Variants in MSI1 observed in about 807,000 individuals in gnomAD.
MSI1 encodes the protein RNA-binding protein Musashi homolog 1.
Under a neutral mutation model 54.4 loss-of-function variants are expected in MSI1, and 15 were observed. That is an observed-to-expected ratio of 0.28 (90% CI 0.18 to 0.42). The LOEUF is 0.42. MSI1 is among the 20% of genes least tolerant of loss of function. MSI1 has a pLI of 1.00. For synonymous variants in MSI1, 200 were observed against 196.5 expected, an observed-to-expected ratio of 1.02 and a Z score of -0.15; for missense variants, 304 against 506.0, an observed-to-expected ratio of 0.60 and a Z score of 3.83.
intron 9 of MSI1, among the ~76,000 whole-genome samples, chr12:120,354,159 A>AT (rs1485941154): frequency 6.6e-6 from 1 of 151,160 alleles, no homozygotes; most frequent in African/African-American, 2.4e-5. Flanking sequence ...CTAATTTTTA[A>AT]TTTTTTTGTA....
chr12:120,367,167 A>T (rs1876067598), intron 4 of MSI1, among the ~76,000 whole-genome samples: 1 of 151,998 alleles, frequency 6.6e-6, no homozygotes, highest in Non-Finnish European at 1.5e-5. Context: ...GGAGCCAGGG[A>T]CTGACCCAAG....
chr12:120,350,980 C>G (rs907383442), intron 11 of MSI1, among the ~76,000 whole-genome samples: 3 of 152,140 alleles, frequency 2.0e-5, no homozygotes, highest in African/African-American at 7.2e-5. Flanking sequence ...GGTATGCCCA[C>G]GCTGGTGTGC....
At chr12:120,362,731 G>A (rs1287038346) in intron 6 of MSI1, among the ~76,000 whole-genome samples, 1 of 152,230 alleles carries the variant, frequency 6.6e-6, no homozygotes, top group Non-Finnish European at 1.5e-5. Flanking sequence ...GGGCTGACTT[G>A]ATTGAACTGG....
intron 5 of MSI1, among the ~76,000 whole-genome samples, chr12:120,364,253 A>G (rs1592949128): frequency 6.6e-6 from 1 of 152,200 alleles, no homozygotes; most frequent in South Asian, 2.1e-4. Context: ...AACAGGTGAC[A>G]GAGTCTGTGG....
chr12:120,351,529 G>C, intron 10 of MSI1, 129 bp from the exon 11 acceptor site: 2 of 756,856 alleles, frequency 2.6e-6, no homozygotes, highest in Non-Finnish European at 4.3e-6. Context: ...CAAGAGCTGG[G>C]GAGGGGGAGA....
chr12:120,352,382 T>C (rs1874693982), intron 10 of MSI1, among the ~76,000 whole-genome samples: 1 of 152,016 alleles, frequency 6.6e-6, no homozygotes, highest in Non-Finnish European at 1.5e-5. Context: ...CTTGTGTGTG[T>C]GTGTGTGTGT....
At chr12:120,364,908 C>A (rs1377245415) in intron 4 of MSI1, among the ~76,000 whole-genome samples, 153 bp from the exon 5 acceptor site, 1 of 152,116 alleles carries the variant, frequency 6.6e-6, no homozygotes, top group African/African-American at 2.4e-5. Context: ...AGTGGTTAAG[C>A]ATTTATTTTT....
In MSI1 at chr12:120,368,498, G is replaced by A. The variant is rs1350201362; in HGVS notation, c.101-225C>T. Among the ~76,000 whole-genome samples, 4 of 152,040 alleles carry A rather than the reference G, an allele frequency of 2.6e-5. No individual in the cohort carries two copies. Among genetic ancestry groups the A allele is most frequent in the Non-Finnish European group, 5.9e-5 (4 of 67,958 alleles). Reference sequence around the variant, plus strand: ...GAGGGCCGAGCTGGGCTGGAAGGGGGACGGCTCCGGCCGGGTTCCCGCCGC... The same window carrying A: ...GAGGGCCGAGCTGGGCTGGAAGGGGAACGGCTCCGGCCGGGTTCCCGCCGC... On this transcript the variant is annotated intron_variant, in intron 2 of 14. Transcript: ENST00000257552. This position sits in a 1 kb window ranked among gnomAD's most constrained non-coding sequence, Gnocchi z 6.6.
intron 9 of MSI1, among the ~76,000 whole-genome samples, chr12:120,356,215 C>G (rs543669490): frequency 6.6e-6 from 1 of 152,282 alleles, no homozygotes; most frequent in East Asian, 1.9e-4. Flanking sequence ...AGCAGGCTCT[C>G]CTTCTCAGAA....
intron 13 of MSI1, 28 bp downstream of exon 13, chr12:120,346,107 G>C: frequency 6.7e-7 from 1 of 1,503,030 alleles, no homozygotes; most frequent in Non-Finnish European, 8.9e-7. Flanking sequence ...GGGGGGTGAG[G>C]TGGGGGCCGC....
intron 13 of MSI1, 106 bp downstream of exon 13, chr12:120,346,029 A>T: frequency 9.9e-7 from 1 of 1,008,332 alleles, no homozygotes; most frequent in South Asian, 1.9e-5. Context: ...ATCCTCCCTC[A>T]CCCTCCTTTT....
At chr12:120,346,083 G>T in intron 13 of MSI1, 52 bp downstream of exon 13, 4 of 1,411,782 alleles carry the variant, frequency 2.8e-6, no homozygotes, top group Admixed American at 2.8e-5. Flanking sequence ...CAACTTGGGG[G>T]TCTCTCAAGG....
Position 120,363,086 on chromosome 12 carries a change from G to T in MSI1, c.359C>A (p.Thr120Asn). Residue 120 changes from threonine (T) to asparagine (N), a missense_variant, in exon 6 of 15, where the codon ACC becomes AAC. This residue lies in a region of MSI1 where 105 missense variants were observed against 230.1 expected (regional missense o/e 0.46). Transcript: ENST00000257552. ...ATATTGCTTCACGTCCTCCACCGTGGTGTTCACCGACAGCCCCCCCACAAA... is the reference window on the plus strand; with the variant it reads ...ATATTGCTTCACGTCCTCCACCGTGTTGTTCACCGACAGCCCCCCCACAAA... ...KIFVGGLSVN[T>N]TVEDVKQYFE... The T allele has an allele frequency of 6.2e-7, 1 of 1,614,072 alleles. No homozygotes were observed. Among genetic ancestry groups the T allele is most frequent in the Non-Finnish European group, 8.5e-7 (1 of 1,179,994 alleles).
intron 11 of MSI1, among the ~76,000 whole-genome samples, chr12:120,351,078 C>G (rs1350861692): frequency 6.6e-6 from 1 of 152,044 alleles, no homozygotes; most frequent in Non-Finnish European, 1.5e-5. Context: ...GAGCCTGGCA[C>G]ACGAGAGGTG....
chr12:120,360,007 A>G (rs895465430), intron 6 of MSI1, among the ~76,000 whole-genome samples: 8 of 151,340 alleles, frequency 5.3e-5, no homozygotes, highest in Admixed American at 3.3e-4. Context: ...TTTTTTGGAG[A>G]CAGAGTCTTA....
chr12:120,361,648 G>C (rs1330329258), intron 6 of MSI1: 4 of 151,684 alleles, frequency 2.6e-5, no homozygotes, highest in Non-Finnish European at 5.9e-5. Flanking sequence ...CGCCAAGTTC[G>C]GCGGCCGCTA....
At chr12:120,361,724 CG>C (rs930066891) in intron 6 of MSI1, among the ~76,000 whole-genome samples, 2 of 147,986 alleles carry the variant, frequency 1.4e-5, no homozygotes, top group Admixed American at 6.7e-5. Flanking sequence ...TCGATCCGGG[CG>C]GGGGGCCCCC....
At chr12:120,347,053 G>A (rs1000102146) in intron 12 of MSI1, among the ~76,000 whole-genome samples, 3 of 152,034 alleles carry the variant, frequency 2.0e-5, no homozygotes, top group East Asian at 1.9e-4. Context: ...GGGTTCAAGC[G>A]ATTCTCCTGC....
At chr12:120,357,063 T>A in intron 8 of MSI1, 44 bp from the exon 9 acceptor site, 1 of 1,512,642 alleles carries the variant, frequency 6.6e-7, no homozygotes, top group Non-Finnish European at 9.2e-7. Flanking sequence ...AGAGCTAGAG[T>A]CATTAGCCCT....
Sources: allele counts gnomAD v4.1 joint callset (sites outside exome capture counted in the v4.1 genomes callset), GRCh38; gene constraint gnomAD v4.1.1; regional missense constraint gnomAD v4.1.1; non-coding constraint Gnocchi (gnomAD v3.1); transcripts MANE v1.5; gene names NCBI Gene and HGNC (gene_info 2026-07-23, HGNC 2026-07-21).